The following IGFLR1 variants were observed in gnomAD, a reference collection of about 807,000 sequenced individuals.
IGFLR1 encodes IGF-like family receptor 1.
In IGFLR1, 17 loss-of-function variants were observed where a neutral mutation model predicts 23.4. That is an observed-to-expected ratio of 0.73 (90% CI 0.50 to 1.09). IGFLR1 has a LOEUF of 1.09. Among genes scored for constraint, IGFLR1 ranks in the 50% least tolerant of loss-of-function variants. IGFLR1 has a pLI of 0.00. For missense variants in IGFLR1, 556 were observed against 459.2 expected, an observed-to-expected ratio of 1.21 and a Z score of -1.93; for synonymous variants, 265 against 210.7, an observed-to-expected ratio of 1.26 and a Z score of -2.23.
At position 35,739,853 on chromosome 19, in the gene IGFLR1, T is replaced by C; in HGVS notation, c.578A>G (p.Lys193Arg). The C allele has an allele frequency of 6.2e-7, 1 of 1,612,908 alleles. No homozygotes were observed. The highest frequency in any genetic ancestry group is 8.5e-7 in the Non-Finnish European group (1 of 1,179,026). The change falls in exon 4 of 5, where the codon AAA becomes AGA. Residue 193 changes from lysine (K) to arginine (R), a missense_variant. By Grantham distance (26) the Lys-to-Arg change is conservative. Coordinates refer to ENST00000246532, the MANE Select transcript of IGFLR1 (RefSeq NM_024660.4). Reference protein sequence around the residue: ...LLWHLCWPKEKADPYPYPGLV... With the variant: ...LLWHLCWPKERADPYPYPGLV... ...GCCAGGATAGGGATAGGGGTCGGCT[T>C]TCTCCTTGGGCCAGCAGAGATGCCA...
At position 35,739,479 on chromosome 19, in the gene IGFLR1, C is replaced by T. The variant is rs769697325; in HGVS notation, c.869G>A (p.Gly290Glu). The change falls in exon 5 of 5, where the codon GGG becomes GAG. Residue 290 changes from glycine to glutamate, a missense_variant. Physicochemically the swap from Gly to Glu is moderately conservative, Grantham distance 98. Coordinates refer to ENST00000246532, the MANE Select transcript of IGFLR1 (RefSeq NM_024660.4). ...AAAGGTGGACCAGGCAGCAGGCAGC[C>T]CATATCTTGCGGCCAGGTGTCGAGT... ...GTTRHLAARYGLPAAWSTFAY... is the reference protein window; with the variant it reads ...GTTRHLAARYELPAAWSTFAY... 6.2e-7 allele frequency: 1 copy of T among 1,613,982 alleles called. No individual in the cohort carries two copies. The highest frequency in any genetic ancestry group is 8.5e-7 in the Non-Finnish European group (1 of 1,179,994).
At position 35,739,110 on chromosome 19, in the gene IGFLR1, G is replaced by T; in HGVS notation, c.*170C>A. The T allele has an allele frequency of 1.5e-6, 1 of 670,744 alleles. No individual in the cohort carries two copies. The allele number at this position is 670,744 out of a possible 1,614,324, so 41.5% of individuals were successfully genotyped here. ...TTCTGGTGGCCCAGAGGCACCTGGG[G>T]TCAGCCCTCCCACATGTGGCCCTGT... On this transcript the variant is annotated 3_prime_UTR_variant, in exon 5 of 5. Coordinates refer to ENST00000246532, the MANE Select transcript of IGFLR1 (RefSeq NM_024660.4).
chr19:35,739,697 C>A lies in IGFLR1; in HGVS notation c.721+13G>T. The A allele has an allele frequency of 6.4e-7, 1 of 1,558,734 alleles. No homozygotes were observed. The highest frequency in any genetic ancestry group is 1.2e-5 in the South Asian group (1 of 82,104). On this transcript the variant is annotated intron_variant, in intron 4 of 4. Coordinates refer to ENST00000246532, the MANE Select transcript of IGFLR1 (RefSeq NM_024660.4). ...GTCCACCTTCCCTGCCCCGGGGCTCCTCCAGGACTAACCCCTGCTCAGGAG... is the reference window on the plus strand; with the variant it reads ...GTCCACCTTCCCTGCCCCGGGGCTCATCCAGGACTAACCCCTGCTCAGGAG...
At position 35,740,003 on chromosome 19, in the gene IGFLR1, C is replaced by G; in HGVS notation, c.428G>C (p.Ser143Thr). The change falls in exon 4 of 5, where the codon AGT becomes ACT. Residue 143 changes from serine (S) to threonine (T), a missense_variant. Transcript: ENST00000246532. ...PSSQERSSPASSIAWRTPEPV... is the reference protein window; with the variant it reads ...PSSQERSSPATSIAWRTPEPV... ...CTCAGGGGTCCTCCAGGCAATGGAA[C>G]TTGCTGGTGAGCTGCGCTCCTGGGA... The G allele has an allele frequency of 1.9e-6, 3 of 1,614,106 alleles. No individual in the cohort carries two copies. Among genetic ancestry groups the G allele is most frequent in the Non-Finnish European group, 2.5e-6 (3 of 1,180,002 alleles).
rs1057305704 is a variant in IGFLR1, at chr19:35,740,969, C to G, written c.157+55G>C. 5.8e-6 allele frequency: 9 copies of G among 1,564,640 alleles called. No individual in the cohort carries two copies. In the African/African-American group the frequency reaches 8.1e-5, roughly 14 times the overall value. ...TAGCCCACAGACCTCGCCCCTTCCCCGCTCCCTATCACCTGCAAGCTCCGC... is the reference window on the plus strand; with the variant it reads ...TAGCCCACAGACCTCGCCCCTTCCCGGCTCCCTATCACCTGCAAGCTCCGC... On this transcript the variant is annotated intron_variant, in intron 2 of 4. Coordinates refer to ENST00000246532, the MANE Select transcript of IGFLR1 (RefSeq NM_024660.4).
Position 35,741,229 on chromosome 19 carries a change from C to G in IGFLR1, c.-43-6G>C. The G allele has an allele frequency of 6.2e-7, 1 of 1,600,532 alleles. No homozygotes were observed. Among genetic ancestry groups the G allele is most frequent in the Non-Finnish European group, 8.5e-7 (1 of 1,176,384 alleles). ...TTCCAAACACAGCGCCTCTGCTACA[C>G]TTTCCGGGGAAATCGGGCAGAAGAA... On this transcript the variant is annotated splice_polypyrimidine_tract_variant and splice_region_variant and intron_variant, in intron 1 of 4. Coordinates refer to ENST00000246532, the MANE Select transcript of IGFLR1 (RefSeq NM_024660.4).
intron 2 of IGFLR1, 60 bp from the exon 3 acceptor site, chr19:35,740,624 C>T (rs1970165234): frequency 1.3e-6 from 2 of 1,496,132 alleles, no homozygotes; most frequent in African/African-American, 1.4e-5. Flanking sequence ...GGGCAACGCC[C>T]TCTCCCTTCG....
At position 35,740,395 on chromosome 19, in the gene IGFLR1, C is replaced by A; in HGVS notation, c.327G>T (p.Pro109=). 1 of 1,599,754 alleles carries A rather than the reference C, an allele frequency of 6.3e-7. No individual in the cohort carries two copies. ...CCATCTGCACCTCTCTGCAGCGCCA[C>A]GGGGTTCTGCCCCCGCCCGCGGCGG... ...PTPAAGGGRT[P]WRCRERPVPA... The change falls in exon 3 of 5, where the codon CCG becomes CCT. Residue 109 remains proline (P), a synonymous_variant. Transcript: ENST00000246532.
At position 35,741,182 on chromosome 19, in the gene IGFLR1, T is replaced by TG; in HGVS notation, c.-3dup. 6.2e-7 allele frequency: 1 copy of TG among 1,610,422 alleles called. No homozygotes were observed. The highest frequency in any genetic ancestry group is 1.7e-4 in the Middle Eastern group (1 of 6,054). On this transcript the variant is annotated 5_prime_UTR_variant, in exon 2 of 5. Transcript: ENST00000246532. ...CAGGAGGCATCGTCCAGGCCCCATC[T>TG]GGGGGGCCGTGATAGCGGGACTTCC...
At chr19:35,740,209 T>C in intron 3 of IGFLR1, 121 bp from the exon 4 acceptor site, 2 of 1,377,920 alleles carry the variant, frequency 1.5e-6, no homozygotes, top group Non-Finnish European at 1.9e-6. Flanking sequence ...TCTGATAAGG[T>C]AGTTGGGCCC....
Position 35,741,219 on chromosome 19 carries a change from C to A in IGFLR1, c.-39G>T. On this transcript the variant is annotated 5_prime_UTR_variant, in exon 2 of 5. The change creates a new upstream start codon in the 5' untranslated region. Coordinates refer to ENST00000246532, the MANE Select transcript of IGFLR1 (RefSeq NM_024660.4). ...ATAGCGGGACTTCCAAACACAGCGCCTCTGCTACACTTTCCGGGGAAATCG... is the reference window on the plus strand; with the variant it reads ...ATAGCGGGACTTCCAAACACAGCGCATCTGCTACACTTTCCGGGGAAATCG... 2.5e-6 allele frequency: 4 copies of A among 1,604,958 alleles called. No individual in the cohort carries two copies. Among genetic ancestry groups the A allele is most frequent in the Non-Finnish European group, 3.4e-6 (4 of 1,177,780 alleles).
Position 35,739,119 on chromosome 19 carries a change from C to CAA in IGFLR1, c.*160_*161insTT. ...CCCAGAGGCACCTGGGGTCAGCCCT[C>CAA]CCACATGTGGCCCTGTGTGTATGTT... On this transcript the variant is annotated 3_prime_UTR_variant, in exon 5 of 5. Coordinates refer to ENST00000246532, the MANE Select transcript of IGFLR1 (RefSeq NM_024660.4). The CAA allele has an allele frequency of 2.8e-6, 2 of 720,042 alleles. No individual in the cohort carries two copies. Among genetic ancestry groups the CAA allele is most frequent in the Non-Finnish European group, 4.5e-6 (2 of 447,686 alleles). 44.6% of individuals were successfully genotyped at this position (720,042 alleles called of 1,614,324 possible). A position where few individuals can be genotyped will look rare whatever the true frequency, so the allele number is the denominator to read the frequency against.
intron 1 of IGFLR1, among the ~76,000 whole-genome samples, chr19:35,742,187 T>A (rs1415560234): frequency 1.3e-5 from 2 of 152,190 alleles, no homozygotes; most frequent in Non-Finnish European, 2.9e-5. Flanking sequence ...AAGGCATTAC[T>A]AACTCCCATC....
intron 1 of IGFLR1, 79 bp from the exon 2 acceptor site, chr19:35,741,302 C>G: frequency 6.9e-7 from 1 of 1,440,324 alleles, no homozygotes; most frequent in East Asian, 2.5e-5. Context: ...TCTTCGGAAG[C>G]CGGGAATCTA....
In IGFLR1 at chr19:35,738,866, G is replaced by T; in HGVS notation, c.*414C>A. 1 of 477,786 alleles carries T rather than the reference G, an allele frequency of 2.1e-6. No homozygotes were observed. Among genetic ancestry groups the T allele is most frequent in the East Asian group, 3.6e-5 (1 of 27,516 alleles). The allele number at this position is 477,786 out of a possible 1,614,324, so 29.6% of individuals were successfully genotyped here. On this transcript the variant is annotated 3_prime_UTR_variant, in exon 5 of 5. Coordinates refer to ENST00000246532, the MANE Select transcript of IGFLR1 (RefSeq NM_024660.4). The surrounding 1 kb of genome is among the most constrained non-coding windows in gnomAD (Gnocchi z 8.7). ...TGGGAACCCCCCCACAATAAAGTCT[G>T]TCAATGTTTGGAGAGGTGGTCTTCC...
intron 1 of IGFLR1, among the ~76,000 whole-genome samples, chr19:35,741,943 C>G (rs1300603874): frequency 6.6e-6 from 1 of 152,108 alleles, no homozygotes; most frequent in African/African-American, 2.4e-5. Flanking sequence ...GAAACCCTGT[C>G]TCTATTAAAA....
intron 2 of IGFLR1, 167 bp from the exon 3 acceptor site, chr19:35,740,731 C>A (rs959590112): frequency 7.1e-5 from 50 of 707,388 alleles, no homozygotes; most frequent in South Asian, 5.2e-4. Flanking sequence ...TTTTCACCCC[C>A]CTCCAGCCTG....
At position 35,740,409 on chromosome 19, in the gene IGFLR1, C is replaced by T. The variant is rs1315333322; in HGVS notation, c.313G>A (p.Gly105Arg). 6.2e-7 allele frequency: 1 copy of T among 1,606,182 alleles called. No homozygotes were observed. The highest frequency in any genetic ancestry group is 8.5e-7 in the Non-Finnish European group (1 of 1,176,850). Residue 105 changes from glycine to arginine, a missense_variant, in exon 3 of 5, where the codon GGG becomes AGG. Physicochemically the swap from Gly to Arg is moderately radical, Grantham distance 125 (BLOSUM62 -2). Coordinates refer to ENST00000246532, the MANE Select transcript of IGFLR1 (RefSeq NM_024660.4). ...GAVTPTPAAGGGRTPWRCRER... is the reference protein window; with the variant it reads ...GAVTPTPAAGRGRTPWRCRER... Reference sequence around the variant, plus strand: ...CTGCAGCGCCACGGGGTTCTGCCCCCGCCCGCGGCGGGAGTAGGGGTCACG... The same window carrying T: ...CTGCAGCGCCACGGGGTTCTGCCCCTGCCCGCGGCGGGAGTAGGGGTCACG...
At chr19:35,740,316 G>T (rs1970138180) in intron 3 of IGFLR1, 64 bp downstream of exon 3, 9 of 1,461,752 alleles carry the variant, frequency 6.2e-6, no homozygotes, top group Admixed American at 5.0e-5. Context: ...GGCTACGCCG[G>T]CTCCCTACAT....
Sources: allele counts gnomAD v4.1 joint callset (sites outside exome capture counted in the v4.1 genomes callset), GRCh38; gene constraint gnomAD v4.1.1; non-coding constraint Gnocchi (gnomAD v3.1); transcripts MANE v1.5; gene names NCBI Gene and HGNC (gene_info 2026-07-23, HGNC 2026-07-21).